The following HPGDS variants were observed in gnomAD, a reference collection of about 807,000 sequenced individuals.
HPGDS encodes GST class-sigma.
Under a neutral mutation model 23.1 loss-of-function variants are expected in HPGDS, and 26 were observed. That is an observed-to-expected ratio of 1.13 (90% CI 0.83 to 1.56). HPGDS has a LOEUF of 1.56. Ranked by LOEUF, HPGDS falls within the 40% of genes most tolerant of loss-of-function variation. The pLI, the probability that HPGDS is intolerant of heterozygous loss-of-function variation, is 0.00. For missense variants in HPGDS, 268 were observed against 236.4 expected, an observed-to-expected ratio of 1.13 and a Z score of -0.88; for synonymous variants, 95 against 77.9, an observed-to-expected ratio of 1.22 and a Z score of -1.16.
At chr4:94,337,219 C>T (rs28581732) in intron 1 of HPGDS, among the ~76,000 whole-genome samples, 4 of 152,004 alleles carry the variant, frequency 2.6e-5, no homozygotes, top group Admixed American at 6.6e-5. Flanking sequence ...AATCCACCCC[C>T]CTTGGCCTCC....
chr4:94,333,817 T>C (rs1328888924), intron 2 of HPGDS, among the ~76,000 whole-genome samples: 1 of 152,226 alleles, frequency 6.6e-6, no homozygotes, highest in Non-Finnish European at 1.5e-5. Flanking sequence ...GTCTAATTAA[T>C]TAGTGGATAA....
intron 5 of HPGDS, among the ~76,000 whole-genome samples, chr4:94,300,873 A>G (rs950550217): frequency 3.9e-5 from 6 of 152,160 alleles, no homozygotes; most frequent in Non-Finnish European, 5.9e-5. Context: ...GGTATAGGGA[A>G]ATGCGTAAAG....
At chr4:94,308,588 A>G in intron 4 of HPGDS, 46 bp downstream of exon 4, 1 of 930,416 alleles carries the variant, frequency 1.1e-6, no homozygotes, top group Non-Finnish European at 1.7e-6. Context: ...AATGTCTGGC[A>G]GGTGGTATAT....
At chr4:94,313,593 G>T (rs1045943097) in intron 3 of HPGDS, among the ~76,000 whole-genome samples, 1 of 152,050 alleles carries the variant, frequency 6.6e-6, no homozygotes, top group African/African-American at 2.4e-5. Flanking sequence ...TTTCAACTTT[G>T]GTGAATCTGA....
chr4:94,321,026 C>T (rs919990541), intron 2 of HPGDS, among the ~76,000 whole-genome samples: 23 of 151,982 alleles, frequency 1.5e-4, no homozygotes, highest in Admixed American at 7.9e-4. Context: ...GGGAATCCTT[C>T]CCCCATTTCT....
intron 1 of HPGDS, among the ~76,000 whole-genome samples, 191 bp downstream of exon 1, chr4:94,342,604 A>G (rs1232350528): frequency 6.6e-6 from 1 of 152,208 alleles, no homozygotes; most frequent in Non-Finnish European, 1.5e-5. Flanking sequence ...CTTAAAAATG[A>G]CTATTTGAGT....
intron 3 of HPGDS, among the ~76,000 whole-genome samples, chr4:94,312,206 T>C (rs1341644336): frequency 2.0e-5 from 3 of 152,088 alleles, no homozygotes; most frequent in African/African-American, 4.8e-5. Flanking sequence ...GCTCTTGCTT[T>C]TCTAGTTCTT....
At chr4:94,306,063 G>C (rs1468432082) in intron 4 of HPGDS, among the ~76,000 whole-genome samples, 3 of 152,112 alleles carry the variant, frequency 2.0e-5, no homozygotes, top group Non-Finnish European at 4.4e-5. Context: ...GTGTGCATTT[G>C]ATGAGTGTGG....
chr4:94,337,218 C>A (rs538231532), intron 1 of HPGDS, among the ~76,000 whole-genome samples: 8 of 152,040 alleles, frequency 5.3e-5, no homozygotes, highest in African/African-American at 1.9e-4. Flanking sequence ...TAATCCACCC[C>A]CCTTGGCCTC....
chr4:94,299,502 C>T lies in HPGDS; in HGVS notation c.578G>A (p.Arg193Gln), dbSNP rs764165835. Residue 193 changes from arginine to glutamine, a missense_variant, in exon 6 of 6, where the codon CGA becomes CAA. Coordinates refer to ENST00000295256, the MANE Select transcript of HPGDS (RefSeq NM_014485.3). The stretch of plus-strand genomic sequence containing the variant: ...CAGCTAGAGTTTGGTTTGGGGCCTT[C>T]GTTTTATCCAGTTAGCGACGGCAGG... The part of the protein sequence containing the change: ...AIPAVANWIK[R>Q]RPQTKL The T allele has an allele frequency of 8.1e-6, 13 of 1,612,062 alleles. No homozygotes were observed. In the South Asian group the frequency reaches 8.8e-5, roughly 11 times the overall value.
At chr4:94,330,116 G>A (rs376140829) in intron 2 of HPGDS, among the ~76,000 whole-genome samples, 6 of 152,330 alleles carry the variant, frequency 3.9e-5, no homozygotes, top group African/African-American at 1.4e-4. Context: ...GAGTGGTGAA[G>A]AAATGCAAAT....
intron 4 of HPGDS, among the ~76,000 whole-genome samples, chr4:94,308,298 G>C (rs1274423603): frequency 6.6e-6 from 1 of 152,048 alleles, no homozygotes; most frequent in African/African-American, 2.4e-5. Context: ...TTTCAGGTTA[G>C]GAATGCTTAA....
In HPGDS at chr4:94,302,213, T is replaced by C. The variant is rs1424276240; in HGVS notation, c.368A>G (p.Asn123Ser). Reference sequence around the variant, plus strand: ...CAAGTCTTGCATAAGATGAGGCGCATTATACGTGAGCAGCTCATTGAACAT... The same window carrying C: ...CAAGTCTTGCATAAGATGAGGCGCACTATACGTGAGCAGCTCATTGAACAT... ...EQMFNELLTY[N>S]APHLMQDLDT... Residue 123 changes from asparagine to serine, a missense_variant, in exon 5 of 6, where the codon AAT (asparagine) becomes AGT (serine). Physicochemically the swap from Asn to Ser is conservative, Grantham distance 46. Coordinates refer to ENST00000295256, the MANE Select transcript of HPGDS (RefSeq NM_014485.3). The C allele has an allele frequency of 6.2e-7, 1 of 1,612,436 alleles. No homozygotes were observed. Among genetic ancestry groups the C allele is most frequent in the Admixed American group, 1.7e-5 (1 of 59,950 alleles).
chr4:94,317,813 G>A, intron 3 of HPGDS, 60 bp downstream of exon 3: 1 of 933,008 alleles, frequency 1.1e-6, no homozygotes, highest in East Asian at 2.5e-5. Flanking sequence ...AATGAATATT[G>A]AATATATATC....
intron 2 of HPGDS, among the ~76,000 whole-genome samples, chr4:94,325,965 T>A (rs1179246240): frequency 6.6e-6 from 1 of 151,634 alleles, no homozygotes; most frequent in East Asian, 1.9e-4. Flanking sequence ...GTTATAGTAT[T>A]CTTGGCTGAC....
Position 94,299,354 on chromosome 4 carries a change from C to A in HPGDS, c.*126G>T. ...TTCCTTTTTAAAAATCAGAATATGG[C>A]TAAAGTGAAAATCTTAGTGGAGCTG... On this transcript the variant is annotated 3_prime_UTR_variant, in exon 6 of 6. Transcript: ENST00000295256. 3.9e-6 allele frequency: 3 copies of A among 779,186 alleles called. No individual in the cohort carries two copies. Among genetic ancestry groups the A allele is most frequent in the Admixed American group, 5.7e-5 (2 of 35,344 alleles). The allele number at this position is 779,186 out of a possible 1,614,324, so 48.3% of individuals were successfully genotyped here. A position where few individuals can be genotyped will look rare whatever the true frequency, so the allele number is the denominator to read the frequency against.
chr4:94,312,196 G>T (rs1346665793), intron 3 of HPGDS, among the ~76,000 whole-genome samples: 9 of 151,926 alleles, frequency 5.9e-5, no homozygotes, highest in African/African-American at 2.2e-4. Context: ...GAATGTGTTT[G>T]CTCTTGCTTT....
At chr4:94,318,063 A>G in intron 2 of HPGDS, 98 bp from the exon 3 acceptor site, 1 of 684,602 alleles carries the variant, frequency 1.5e-6, no homozygotes, top group Non-Finnish European at 2.5e-6. Flanking sequence ...GCATGATTTT[A>G]TGGAATCATG....
Position 94,308,717 on chromosome 4 carries a change from G to T in HPGDS, c.253C>A (p.Gln85Lys). 2 of 1,604,150 alleles carry T rather than the reference G, an allele frequency of 1.2e-6. No homozygotes were observed. The highest frequency in any genetic ancestry group is 1.7e-6 in the Non-Finnish European group (2 of 1,172,688). ...TDLAGNTEME[Q>K]CHVDAIVDTL... ...TCCACAATAGCATCAACATGACATT[G>T]TTCCATTTCTGTGTTTCCAGCCAAA... The change falls in exon 4 of 6, where the codon CAA becomes AAA. Residue 85 changes from glutamine (Q) to lysine (K), a missense_variant. Coordinates refer to ENST00000295256, the MANE Select transcript of HPGDS (RefSeq NM_014485.3).
Sources: gnomAD v4.1 joint callset for allele counts (sites outside exome capture counted in the v4.1 genomes callset) on GRCh38, gnomAD v4.1.1 for gene constraint, MANE v1.5 for transcripts, NCBI Gene and HGNC (gene_info 2026-07-23, HGNC 2026-07-21) for gene names.